CLPB: variants seen among roughly 807,000 people sequenced by gnomAD.
The protein encoded by CLPB is ClpB family mitochondrial disaggregase.
A neutral mutation model predicts 78.4 loss-of-function variants in CLPB; 40 were observed. That is an observed-to-expected ratio of 0.51 (90% confidence interval 0.40 to 0.66). The LOEUF (loss-of-function observed/expected upper bound fraction) is 0.66. Ranked by LOEUF, CLPB falls within the 30% of genes least tolerant of loss-of-function variation. CLPB has a pLI of 0.00. For missense variants in CLPB, 780 were observed against 886.9 expected (o/e 0.88, Z 1.53); for synonymous variants, 333 against 348.0 (o/e 0.96, Z 0.48).
chr11:72,385,154 A>G (rs1855038360), intron 3 of CLPB, among the ~76,000 whole-genome samples: 1 of 152,208 alleles, frequency 6.6e-6, no homozygotes, highest in Non-Finnish European at 1.5e-5. Flanking sequence ...CCTTAGTCCA[A>G]ATTCCAAGAG....
intron 9 of CLPB, among the ~76,000 whole-genome samples, chr11:72,306,577 G>C (rs920858589): frequency 1.3e-5 from 2 of 152,206 alleles, no homozygotes; most frequent in African/African-American, 2.4e-5. Context: ...AACAAACAGG[G>C]GATGGGGATG....
intron 4 of CLPB, among the ~76,000 whole-genome samples, chr11:72,378,450 A>C (rs1854789091): frequency 1.3e-5 from 2 of 152,210 alleles, no homozygotes; most frequent in African/African-American, 4.8e-5. Flanking sequence ...AAAAATGGGA[A>C]ACCCCTAGCA....
chr11:72,298,164 G>A (rs1032369481), intron 11 of CLPB, among the ~76,000 whole-genome samples: 1 of 152,128 alleles, frequency 6.6e-6, no homozygotes, highest in African/African-American at 2.4e-5. Context: ...CTGCCCTGGG[G>A]TCACCTGTGA....
At chr11:72,377,931 CTG>C (rs2135671461) in intron 4 of CLPB, among the ~76,000 whole-genome samples, 1 of 152,358 alleles carries the variant, frequency 6.6e-6, no homozygotes, top group South Asian at 2.1e-4. Flanking sequence ...GTAGTCACAA[CTG>C]AGATCAACTG....
At chr11:72,370,747 T>C (rs12796021) in intron 4 of CLPB, among the ~76,000 whole-genome samples, 1 of 152,200 alleles carries the variant, frequency 6.6e-6, no homozygotes, top group Admixed American at 6.6e-5. Context: ...AAGGTTACTG[T>C]GAATACAAAG....
At chr11:72,355,068 G>C (rs1950685395) in intron 5 of CLPB, 1 of 152,210 alleles carries the variant, frequency 6.6e-6, no homozygotes, top group East Asian at 1.9e-4. Context: ...GATGGCAAGT[G>C]GCTTGCCCAG....
chr11:72,348,899 C>T (rs892766584), intron 5 of CLPB, among the ~76,000 whole-genome samples: 1 of 152,300 alleles, frequency 6.6e-6, no homozygotes, highest in South Asian at 2.1e-4. Flanking sequence ...AGATCCACAT[C>T]CTATCTTCTG....
At chr11:72,299,602 C>G (rs1442671642) in intron 11 of CLPB, among the ~76,000 whole-genome samples, 2 of 152,202 alleles carry the variant, frequency 1.3e-5, no homozygotes, top group Non-Finnish European at 2.9e-5. Flanking sequence ...CTTACTAACC[C>G]TTTGAAGGTT....
In CLPB at chr11:72,404,328, C is replaced by T. The variant is rs564752560; in HGVS notation, c.456-1276G>A. ...AGGCTGTTTTTCAGTGGGTTCTAGC[C>T]AAAGGGCAGAGAGTCAAAGGCTTGG... On this transcript the variant is annotated intron_variant, in intron 2 of 15. Coordinates refer to ENST00000538039, the MANE Select transcript of CLPB (RefSeq NM_001258392.3). 6.6e-5 allele frequency among the ~76,000 whole-genome samples: 10 copies of T among 152,306 alleles called. No homozygotes were observed. The South Asian group carries it at 2.1e-3, about 32-fold the overall frequency.
intron 6 of CLPB, among the ~76,000 whole-genome samples, chr11:72,319,536 C>T (rs1211030090): frequency 6.6e-6 from 1 of 152,210 alleles, no homozygotes; most frequent in African/African-American, 2.4e-5. Flanking sequence ...ATATGCTTTG[C>T]TCCAGACAGA....
At chr11:72,431,239 T>C (rs79369586) in intron 1 of CLPB, among the ~76,000 whole-genome samples, 1,669 of 152,304 alleles carry the variant, frequency 0.011, 30 homozygotes, top group African/African-American at 0.038. Flanking sequence ...TCTTTTCAAA[T>C]AGCTCAATAC....
chr11:72,308,717 A>G, intron 7 of CLPB, 113 bp from the exon 8 acceptor site: 1 of 933,944 alleles, frequency 1.1e-6, no homozygotes, highest in East Asian at 2.6e-5. Context: ...CTCTGCGCCC[A>G]CTCAAAGTCC....
chr11:72,313,255 T>C (rs984127557), intron 7 of CLPB, among the ~76,000 whole-genome samples: 2 of 152,312 alleles, frequency 1.3e-5, no homozygotes, highest in East Asian at 1.9e-4. Flanking sequence ...TGACAACTGC[T>C]TGTAGGTTCA....
intron 2 of CLPB, among the ~76,000 whole-genome samples, chr11:72,422,260 C>A (rs1206011002): frequency 9.0e-6 from 1 of 111,044 alleles, no homozygotes; most frequent in Non-Finnish European, 1.7e-5. Flanking sequence ...AGCAAGACTC[C>A]GTCTCAAAAA....
At chr11:72,429,157 TAAC>T (rs913039386) in intron 2 of CLPB, 29 of 152,232 alleles carry the variant, frequency 1.9e-4, no homozygotes, top group African/African-American at 7.0e-4. Context: ...ATGGCTCTTA[TAAC>T]AACAGGATGA....
intron 2 of CLPB, among the ~76,000 whole-genome samples, chr11:72,426,528 T>C (rs771373146): frequency 2.1e-4 from 29 of 135,524 alleles, no homozygotes; most frequent in Admixed American, 3.6e-4. Context: ...AGGGAGGAAA[T>C]GGATGTCACA....
At position 72,358,883 on chromosome 11, in the gene CLPB, C is replaced by T. The variant is rs749524377; in HGVS notation, c.772G>A (p.Gly258Arg). ...CCTCCTCCACCTCTGCTCTCACCTC[C>T]ATCAAGCAGCTCCTTGACAGTGCGG... is the stretch of plus-strand genomic sequence containing the variant. Reference protein sequence around the residue: ...DYRTVKELLDGGANPLQRNEM... With the variant: ...DYRTVKELLDRGANPLQRNEM... The change falls in exon 5 of 16, where the codon GGA (glycine) becomes AGA (arginine). Residue 258 changes from glycine to arginine, a missense_variant. By Grantham distance (125) the Gly-to-Arg change is moderately radical. Around this residue, in one of 3 missense-constraint regions of CLPB, gnomAD observed 417 missense variants for 414.7 expected, o/e 1.01. Transcript: ENST00000538039. 1.9e-6 allele frequency: 3 copies of T among 1,595,414 alleles called. No homozygotes were observed. The highest frequency in any genetic ancestry group is 2.2e-5 in the South Asian group (2 of 90,340).
At chr11:72,295,231 C>T (rs1393999555) in intron 12 of CLPB, among the ~76,000 whole-genome samples, 1 of 152,222 alleles carries the variant, frequency 6.6e-6, no homozygotes, top group Non-Finnish European at 1.5e-5. Context: ...TGGCCCCCCA[C>T]CCTGGTGTAG....
chr11:72,408,080 G>A (rs1855762039), intron 2 of CLPB: 2 of 1,488,410 alleles, frequency 1.3e-6, no homozygotes, highest in South Asian at 2.4e-5. Flanking sequence ...GAAATATAAA[G>A]GAAAGGGCTC....
Sources: allele counts gnomAD v4.1 joint callset (sites outside exome capture counted in the v4.1 genomes callset), GRCh38; gene constraint gnomAD v4.1.1; regional missense constraint gnomAD v4.1.1; transcripts MANE v1.5; gene names NCBI Gene and HGNC (gene_info 2026-07-23, HGNC 2026-07-21).